Variants in SENP8 observed in about 807,000 individuals in gnomAD.
The protein encoded by SENP8 is sentrin-specific protease 8.
In SENP8, 10 loss-of-function variants were observed where a neutral mutation model predicts 14.4. The ratio of observed to expected loss-of-function variants is 0.69; its 90% CI spans 0.43 to 1.18. The LOEUF is 1.18. Among genes scored for constraint, SENP8 ranks in the 50% most tolerant of loss-of-function variants. SENP8 has a pLI of 0.00. For synonymous variants in SENP8, 94 were observed against 95.5 expected, an observed-to-expected ratio of 0.98 and a Z score of 0.09; for missense variants, 202 against 249.4, an observed-to-expected ratio of 0.81 and a Z score of 1.28.
intron 1 of SENP8, among the ~76,000 whole-genome samples, chr15:72,124,534 A>G (rs2081198426): frequency 1.3e-5 from 2 of 152,254 alleles, no homozygotes; most frequent in Non-Finnish European, 2.9e-5. Context: ...AAGTTGAATC[A>G]GACATTAGAA....
chr15:72,140,379 C>CT lies in SENP8; in HGVS notation c.*122dup. The CT allele has an allele frequency of 1.4e-6, 1 of 712,982 alleles. No individual in the cohort carries two copies. Among genetic ancestry groups the CT allele is most frequent in the Non-Finnish European group, 2.4e-6 (1 of 420,412 alleles). 44.2% of individuals were successfully genotyped at this position (712,982 alleles called of 1,614,324 possible). ...GCCTAGTAGAGGAAAGCTTAATACTCTTTTTCCTGAAAGAATATCATCCTC... is the reference window on the plus strand; with the variant it reads ...GCCTAGTAGAGGAAAGCTTAATACTCTTTTTTCCTGAAAGAATATCATCCTC... On this transcript the variant is annotated 3_prime_UTR_variant, in exon 2 of 2. Coordinates refer to ENST00000340912, the MANE Select transcript of SENP8 (RefSeq NM_145204.4).
chr15:72,124,501 T>C (rs1369903315), intron 1 of SENP8, among the ~76,000 whole-genome samples: 1 of 152,248 alleles, frequency 6.6e-6, no homozygotes, highest in Admixed American at 6.5e-5. Context: ...TGGTCTTGGA[T>C]GTGATTCTTT....
intron 1 of SENP8, among the ~76,000 whole-genome samples, chr15:72,127,908 G>C: frequency 6.6e-6 from 1 of 152,130 alleles, no homozygotes; most frequent in East Asian, 1.9e-4. Context: ...GGGCAACATA[G>C]TGAGACCCTG....
chr15:72,133,950 TG>T, intron 1 of SENP8, among the ~76,000 whole-genome samples: 1 of 152,134 alleles, frequency 6.6e-6, no homozygotes. Context: ...TTATTTGTTT[TG>T]GGGGTTTTGT....
chr15:72,136,878 C>G (rs1269764474), intron 1 of SENP8, among the ~76,000 whole-genome samples: 1 of 152,182 alleles, frequency 6.6e-6, no homozygotes, highest in Non-Finnish European at 1.5e-5. Flanking sequence ...CACTGCATAA[C>G]AGCTAACTCT....
At chr15:72,132,625 A>G (rs1398479462) in intron 1 of SENP8, among the ~76,000 whole-genome samples, 3 of 145,588 alleles carry the variant, frequency 2.1e-5, no homozygotes, top group Non-Finnish European at 3.0e-5. Context: ...CTCACCCCCA[A>G]CTGAAACCTT....
chr15:72,127,849 T>C (rs911884783), intron 1 of SENP8, among the ~76,000 whole-genome samples: 35 of 152,170 alleles, frequency 2.3e-4, no homozygotes, highest in African/African-American at 8.2e-4. Flanking sequence ...ACAGGACTTG[T>C]CAATTGGATG....
At chr15:72,133,112 A>G (rs1287331587) in intron 1 of SENP8, among the ~76,000 whole-genome samples, 1 of 152,212 alleles carries the variant, frequency 6.6e-6, no homozygotes, top group African/African-American at 2.4e-5. Flanking sequence ...CAGAGGTTGC[A>G]GTGAGCCAAG....
chr15:72,128,927 TTCTC>T (rs2081244979), intron 1 of SENP8, among the ~76,000 whole-genome samples: 1 of 152,252 alleles, frequency 6.6e-6, no homozygotes, highest in South Asian at 2.1e-4. Context: ...ATGAGGCTGT[TTCTC>T]TCTTTTTATT....
At chr15:72,138,652 G>T (rs141144955) in intron 1 of SENP8, among the ~76,000 whole-genome samples, 1 of 151,064 alleles carries the variant, frequency 6.6e-6, no homozygotes, top group Non-Finnish European at 1.5e-5. Context: ...ACCCAGCCTA[G>T]GTGTAGGATT....
rs2081383594 is a variant in SENP8, at chr15:72,141,955, AAAGT to A, written c.*1694_*1697del. The A allele has an allele frequency of 6.6e-6, 1 of 152,206 alleles. No homozygotes were observed. The highest frequency in any genetic ancestry group is 2.4e-5 in the African/African-American group (1 of 41,448). 9.4% of individuals were successfully genotyped at this position (152,206 alleles called of 1,614,324 possible). A position where few individuals can be genotyped will look rare whatever the true frequency, so the allele number is the denominator to read the frequency against. On this transcript the variant is annotated 3_prime_UTR_variant, in exon 2 of 2. Transcript: ENST00000340912. ...ACTTAGGCAGCTAATCTAGACTATTAAAGTCAAATCCTCTCTGGGAAAAGTTATC... is the reference window on the plus strand; with the variant it reads ...ACTTAGGCAGCTAATCTAGACTATTACAAATCCTCTCTGGGAAAAGTTATC...
At chr15:72,138,297 C>T (rs1392928540) in intron 1 of SENP8, among the ~76,000 whole-genome samples, 1 of 151,532 alleles carries the variant, frequency 6.6e-6, no homozygotes, top group Admixed American at 6.6e-5. Context: ...CCTTGAACAA[C>T]ACAGGGGCTA....
intron 1 of SENP8, 69 bp downstream of exon 1, chr15:72,118,533 G>C (rs1042957682): frequency 6.6e-6 from 1 of 152,138 alleles, no homozygotes; most frequent in African/African-American, 2.4e-5. Context: ...TCAGATTCTG[G>C]CGTATCCGTG....
At chr15:72,131,466 G>A (rs2081273058) in intron 1 of SENP8, among the ~76,000 whole-genome samples, 1 of 152,152 alleles carries the variant, frequency 6.6e-6, no homozygotes, top group Admixed American at 6.6e-5. Flanking sequence ...CTATTGAATT[G>A]TGAATTTTCC....
At chr15:72,131,228 T>C (rs575299638) in intron 1 of SENP8, among the ~76,000 whole-genome samples, 3 of 152,266 alleles carry the variant, frequency 2.0e-5, no homozygotes, top group South Asian at 2.1e-4. Flanking sequence ...TTAAATCTCA[T>C]AGATGATTCT....
intron 1 of SENP8, among the ~76,000 whole-genome samples, chr15:72,132,653 C>CTTT (rs975388130): frequency 1.6e-5 from 2 of 125,110 alleles, no homozygotes; most frequent in Non-Finnish European, 3.4e-5. Context: ...TTTCATAATT[C>CTTT]TTTTTTTTTT....
In SENP8 at chr15:72,142,478, T is replaced by G. The variant is rs1490393451; in HGVS notation, c.*2216T>G. The G allele has an allele frequency of 6.6e-6, 1 of 152,174 alleles. No homozygotes were observed. The highest frequency in any genetic ancestry group is 2.4e-5 in the African/African-American group (1 of 41,440). The allele number at this position is 152,174 out of a possible 1,614,324, so 9.4% of individuals were successfully genotyped here. Reference sequence around the variant, plus strand: ...AGTCAAAAGGATCTATTCTGCAAAATTAATCAAAATATTCAAAAGGAAGGC... The same window carrying G: ...AGTCAAAAGGATCTATTCTGCAAAAGTAATCAAAATATTCAAAAGGAAGGC... On this transcript the variant is annotated 3_prime_UTR_variant, in exon 2 of 2. Coordinates refer to ENST00000340912, the MANE Select transcript of SENP8 (RefSeq NM_145204.4).
At chr15:72,138,279 C>G (rs192349454) in intron 1 of SENP8, among the ~76,000 whole-genome samples, 1 of 151,988 alleles carries the variant, frequency 6.6e-6, no homozygotes, top group East Asian at 1.9e-4. Context: ...CTTATAGTTA[C>G]AGTTGACCCT....
At chr15:72,124,957 TAATA>T (rs2081202697) in intron 1 of SENP8, among the ~76,000 whole-genome samples, 1 of 152,216 alleles carries the variant, frequency 6.6e-6, no homozygotes. Flanking sequence ...ATTTTTCTTT[TAATA>T]AATTTGTATT....
Sources: gnomAD v4.1 joint callset for allele counts (sites outside exome capture counted in the v4.1 genomes callset) on GRCh38, gnomAD v4.1.1 for gene constraint, MANE v1.5 for transcripts, NCBI Gene and HGNC (gene_info 2026-07-23, HGNC 2026-07-21) for gene names.